The following SIPA1L1 variants were observed in gnomAD, a reference collection of about 807,000 sequenced individuals.
SIPA1L1 encodes the protein signal induced proliferation associated 1 like 1.
A neutral mutation model predicts 162.7 loss-of-function variants in SIPA1L1; 26 were observed. The ratio of observed to expected loss-of-function variants is 0.16; its 90% confidence interval spans 0.12 to 0.22. The LOEUF (loss-of-function observed/expected upper bound fraction) is 0.22. SIPA1L1 is among the 10% of genes least tolerant of loss of function. The pLI, the probability that SIPA1L1 is intolerant of heterozygous loss-of-function variation, is 1.00. For synonymous variants in SIPA1L1, 829 were observed against 837.4 expected (o/e 0.99, Z 0.17); for missense variants, 1,874 against 2,241.0 (o/e 0.84, Z 3.31).
In SIPA1L1 at chr14:71,615,375, G is replaced by A. The variant is rs906050130; in HGVS notation, c.1499-3382G>A. 1.5e-4 allele frequency among the ~76,000 whole-genome samples: 23 copies of A among 152,178 alleles called. 1 individual carries two copies. Among genetic ancestry groups the A allele is most frequent in the Admixed American group, 1.2e-3 (18 of 15,282 alleles). ...CAAGAACCTAAGTGTTTTAAGTTTCGTAGTAGTTGGTCAGATTTGCATTTT... is the reference window on the plus strand; with the variant it reads ...CAAGAACCTAAGTGTTTTAAGTTTCATAGTAGTTGGTCAGATTTGCATTTT... On this transcript the variant is annotated intron_variant, in intron 5 of 23. Transcript: ENST00000381232.
At chr14:71,497,013 A>C (rs1229929258) in intron 2 of SIPA1L1, among the ~76,000 whole-genome samples, 1 of 152,050 alleles carries the variant, frequency 6.6e-6, no homozygotes, top group Non-Finnish European at 1.5e-5. Context: ...CTACTAAAAT[A>C]CAGAAATTAG....
At chr14:71,607,325 G>A (rs1006654631) in intron 5 of SIPA1L1, among the ~76,000 whole-genome samples, 1 of 151,154 alleles carries the variant, frequency 6.6e-6, no homozygotes, top group African/African-American at 2.4e-5. Flanking sequence ...CTCTTTTAAC[G>A]TTTTTGCAAC....
At chr14:71,365,334 G>A (rs1043098529) in intron 2 of SIPA1L1, among the ~76,000 whole-genome samples, 2 of 152,054 alleles carry the variant, frequency 1.3e-5, no homozygotes, top group African/African-American at 4.8e-5. Context: ...AGAACATCTT[G>A]AATTACTTGC....
intron 4 of SIPA1L1, among the ~76,000 whole-genome samples, chr14:71,583,600 A>AT (rs1328783072): frequency 1.3e-5 from 2 of 151,750 alleles, no homozygotes; most frequent in African/African-American, 2.4e-5. Context: ...ACTGCTCTTT[A>AT]TGCCCTTGGC....
At chr14:71,700,257 A>T (rs937469876) in intron 14 of SIPA1L1, among the ~76,000 whole-genome samples, 2 of 152,228 alleles carry the variant, frequency 1.3e-5, no homozygotes, top group African/African-American at 4.8e-5. Flanking sequence ...ACCAAAAAAT[A>T]AAAGCAAGTG....
intron 2 of SIPA1L1, among the ~76,000 whole-genome samples, chr14:71,372,047 G>T (rs1192793548): frequency 1.3e-5 from 2 of 152,108 alleles, no homozygotes; most frequent in East Asian, 3.8e-4. Context: ...TTATTAAGAG[G>T]TTAGAAAATA....
chr14:71,433,060 T>C (rs1595436493), intron 2 of SIPA1L1, among the ~76,000 whole-genome samples: 1 of 152,180 alleles, frequency 6.6e-6, no homozygotes, highest in African/African-American at 2.4e-5. Flanking sequence ...TTATTTGTTA[T>C]CTGTTTATAG....
At chr14:71,552,324 T>A (rs1380569120) in intron 4 of SIPA1L1, among the ~76,000 whole-genome samples, 1 of 152,176 alleles carries the variant, frequency 6.6e-6, no homozygotes, top group Non-Finnish European at 1.5e-5. Flanking sequence ...CTTCATTTAA[T>A]AGGTTATACT....
At chr14:71,450,737 A>C (rs1385491148) in intron 2 of SIPA1L1, among the ~76,000 whole-genome samples, 1 of 152,222 alleles carries the variant, frequency 6.6e-6, no homozygotes, top group African/African-American at 2.4e-5. Context: ...TTATTAAAAA[A>C]AGACAAAAAA....
At chr14:71,387,006 T>C (rs1316839341) in intron 2 of SIPA1L1, among the ~76,000 whole-genome samples, 4 of 152,090 alleles carry the variant, frequency 2.6e-5, no homozygotes, top group Non-Finnish European at 5.9e-5. Flanking sequence ...CCCAGCACTT[T>C]GGGAGGCCAA....
intron 2 of SIPA1L1, among the ~76,000 whole-genome samples, chr14:71,435,664 G>A (rs2044322819): frequency 6.6e-6 from 1 of 152,192 alleles, no homozygotes; most frequent in Admixed American, 6.5e-5. Flanking sequence ...ATAGCAACAT[G>A]ATTTATAGTC....
chr14:71,391,651 G>A (rs2040769122), intron 2 of SIPA1L1, among the ~76,000 whole-genome samples: 1 of 152,180 alleles, frequency 6.6e-6, no homozygotes, highest in Non-Finnish European at 1.5e-5. Flanking sequence ...AGAACTTAAT[G>A]TGCCTATGGT....
intron 2 of SIPA1L1, among the ~76,000 whole-genome samples, chr14:71,492,819 G>A (rs2049396389): frequency 6.6e-6 from 1 of 150,782 alleles, no homozygotes; most frequent in Non-Finnish European, 1.5e-5. Context: ...TAGGGATGGG[G>A]TCCACTCTAT....
chr14:71,591,094 A>G (rs2147698443), intron 5 of SIPA1L1, among the ~76,000 whole-genome samples: 1 of 152,252 alleles, frequency 6.6e-6, no homozygotes, highest in East Asian at 1.9e-4. Flanking sequence ...CTGACACTGA[A>G]ACATATTAGT....
intron 7 of SIPA1L1, among the ~76,000 whole-genome samples, chr14:71,638,535 A>T (rs2041392228): frequency 6.6e-6 from 1 of 152,224 alleles, no homozygotes; most frequent in Non-Finnish European, 1.5e-5. Flanking sequence ...TCTCAGCTTG[A>T]TGAAGAACAT....
At chr14:71,350,735 C>T (rs1171914773) in intron 2 of SIPA1L1, among the ~76,000 whole-genome samples, 1 of 152,148 alleles carries the variant, frequency 6.6e-6, no homozygotes, top group African/African-American at 2.4e-5. Context: ...ATAAGTCATT[C>T]TGTGCTAATC....
intron 2 of SIPA1L1, among the ~76,000 whole-genome samples, chr14:71,434,222 A>G (rs2044210311): frequency 6.6e-6 from 1 of 152,200 alleles, no homozygotes; most frequent in African/African-American, 2.4e-5. Flanking sequence ...CTCTACTGTT[A>G]AGGACCTGAA....
chr14:71,639,251 T>C (rs900359485), intron 7 of SIPA1L1, among the ~76,000 whole-genome samples: 1 of 152,030 alleles, frequency 6.6e-6, no homozygotes, highest in Admixed American at 6.6e-5. Flanking sequence ...TGCAAAAAAA[T>C]TTTAAAAATT....
chr14:71,351,680 T>C (rs568776331), intron 2 of SIPA1L1, among the ~76,000 whole-genome samples: 15 of 152,316 alleles, frequency 9.8e-5, no homozygotes, highest in African/African-American at 3.6e-4. Flanking sequence ...CAAAACCATG[T>C]TGAGAAGCGT....
Sources: allele counts gnomAD v4.1 joint callset (sites outside exome capture counted in the v4.1 genomes callset), GRCh38; gene constraint gnomAD v4.1.1; transcripts MANE v1.5; gene names NCBI Gene and HGNC (gene_info 2026-07-23, HGNC 2026-07-21).